ARRDC2: variants seen among roughly 807,000 people sequenced by gnomAD.
ARRDC2 encodes arrestin domain containing 2.
A neutral mutation model predicts 38.9 loss-of-function variants in ARRDC2; 39 were observed. The ratio of observed to expected loss-of-function variants is 1.00; its 90% CI spans 0.78 to 1.31. The LOEUF is 1.31. Ranked by LOEUF, ARRDC2 falls within the 50% of genes most tolerant of loss-of-function variation. ARRDC2 has a pLI of 0.00. For synonymous variants in ARRDC2, 300 were observed against 261.9 expected, an observed-to-expected ratio of 1.15 and a Z score of -1.41; for missense variants, 553 against 588.4, an observed-to-expected ratio of 0.94 and a Z score of 0.62.
At chr19:18,008,918 C>T (rs1471916173) in intron 2 of ARRDC2, 53 bp from the exon 3 acceptor site, 4 of 1,607,190 alleles carry the variant, frequency 2.5e-6, no homozygotes, top group Admixed American at 3.3e-5. Context: ...CTCCTTCTCC[C>T]TGCCTGCTTG....
At chr19:18,003,331 A>G (rs1363680114), upstream of ARRDC2, among the ~76,000 whole-genome samples, 1 of 151,964 alleles carries the variant, frequency 6.6e-6, no homozygotes, top group Non-Finnish European at 1.5e-5. Flanking sequence ...CAGTGGCACG[A>G]TCTCGGCTCA....
At position 18,008,556 on chromosome 19, in the gene ARRDC2, G is replaced by A; in HGVS notation, c.246G>A (p.Val82=). 1 of 1,572,044 alleles carries A rather than the reference G, an allele frequency of 6.4e-7. No individual in the cohort carries two copies. Among genetic ancestry groups the A allele is most frequent in the Non-Finnish European group, 8.6e-7 (1 of 1,166,852 alleles). Residue 82 remains valine (V), a synonymous_variant, in exon 1 of 8, where the codon GTG becomes GTA. Coordinates refer to ENST00000222250, the MANE Select transcript of ARRDC2 (RefSeq NM_015683.2). ...GCTACAGTGAACGCGTGGAGGTCGTGAGCCACCGCGCCACGCTCCTGGCGC... is the reference window on the plus strand; with the variant it reads ...GCTACAGTGAACGCGTGGAGGTCGTAAGCCACCGCGCCACGCTCCTGGCGC... ...TQSYSERVEV[V]SHRATLLAPD...
upstream of ARRDC2, chr19:18,007,196 T>G (rs977843506): frequency 6.6e-6 from 1 of 152,276 alleles, no homozygotes; most frequent in African/African-American, 2.4e-5. Flanking sequence ...CAACTCCCGC[T>G]GGAGAAACTC....
In ARRDC2 at chr19:18,008,236, C is replaced by T; in HGVS notation, c.-75C>T. The T allele has an allele frequency of 6.4e-7, 1 of 1,550,880 alleles. No homozygotes were observed. The highest frequency in any genetic ancestry group is 8.6e-7 in the Non-Finnish European group (1 of 1,161,804). On this transcript the variant is annotated 5_prime_UTR_variant, in exon 1 of 8. Transcript: ENST00000222250. ...GCGATTTTGCGTTCTGAGGCTGCAG[C>T]GTCGGCATCTTGAGCTGCCGGTTCG...
At chr19:18,007,818 G>A (rs947496161), upstream of ARRDC2, 1 of 205,474 alleles carries the variant, frequency 4.9e-6, no homozygotes. Flanking sequence ...GACATGCCTC[G>A]AGTCACGTCA....
intron 7 of ARRDC2, 32 bp downstream of exon 7, chr19:18,010,761 C>T: frequency 6.2e-7 from 1 of 1,603,310 alleles, no homozygotes; most frequent in Non-Finnish European, 8.5e-7. Context: ...CCACCCATGC[C>T]TCTCTGGGCC....
At chr19:18,001,635 A>G in intron 1 of ARRDC2, 1 of 1,272,894 alleles carries the variant, frequency 7.9e-7, no homozygotes, top group Non-Finnish European at 9.9e-7. Flanking sequence ...GACCCTCTTC[A>G]GGGCCGGAAG....
In ARRDC2 at chr19:18,008,410, G is replaced by A. The variant is rs1160283609; in HGVS notation, c.100G>A (p.Val34Met). Residue 34 changes from valine (V) to methionine (M), a missense_variant, in exon 1 of 8, where the codon GTG becomes ATG. This residue lies in a region of ARRDC2 where 447 missense variants were observed against 456.6 expected (regional missense o/e 0.98). Transcript: ENST00000222250. ...CGGCGGCCAGGCCGTGGCGGGCCGGGTGCTGCTGGAGCTGTCAAGCGCCGC... is the reference window on the plus strand; with the variant it reads ...CGGCGGCCAGGCCGTGGCGGGCCGGATGCTGCTGGAGCTGTCAAGCGCCGC... ...FSGGQAVAGR[V>M]LLELSSAARV... The A allele has an allele frequency of 7.5e-6, 12 of 1,594,668 alleles. No individual in the cohort carries two copies. In the South Asian group the frequency reaches 8.8e-5, roughly 12 times the overall value.
At chr19:18,001,196 G>C (rs932959769) in exon 1 of ARRDC2, 1 of 1,054,040 alleles carries the variant, frequency 9.5e-7, no homozygotes, top group Non-Finnish European at 1.2e-6. Flanking sequence ...TCGCCGGGGG[G>C]GCCCGGAGGA....
rs774062581 is a variant in ARRDC2 at position 18,008,619 on chromosome 19, G to T, written c.274+35G>T. The T allele has an allele frequency of 1.9e-6, 3 of 1,598,764 alleles. No individual in the cohort carries two copies. In the African/African-American group the frequency reaches 4.0e-5, roughly 21 times the overall value. On this transcript the variant is annotated intron_variant, in intron 1 of 7. Transcript: ENST00000222250. ...GAGGACCCCTGCTCCAACACCAGTT[G>T]TGTGCCTCCCACCACCTGGACGGCG... is the stretch of plus-strand genomic sequence containing the variant.
Position 18,008,198 on chromosome 19 carries a change from C to T in ARRDC2, c.-113C>T, listed in dbSNP as rs568413704. 15 of 1,505,742 alleles carry T rather than the reference C, an allele frequency of 1.0e-5. No individual in the cohort carries two copies. Among genetic ancestry groups the T allele is most frequent in the African/African-American group, 2.9e-5 (2 of 68,080 alleles). 93.3% of individuals were successfully genotyped at this position (1,505,742 alleles called of 1,614,324 possible). On this transcript the variant is annotated 5_prime_UTR_variant, in exon 1 of 8. Transcript: ENST00000222250. Reference sequence around the variant, plus strand: ...TTTCTGCTCCGGTTGGTGAGCGCGCCTGCGCGTTGACGGCGATTTTGCGTT... The same window carrying T: ...TTTCTGCTCCGGTTGGTGAGCGCGCTTGCGCGTTGACGGCGATTTTGCGTT...
At chr19:18,005,358 A>G (rs1245223090), upstream of ARRDC2, among the ~76,000 whole-genome samples, 2 of 152,154 alleles carry the variant, frequency 1.3e-5, no homozygotes, top group Non-Finnish European at 2.9e-5. Context: ...TTCTTAGTAC[A>G]GAACAAAATG....
intron 7 of ARRDC2, among the ~76,000 whole-genome samples, chr19:18,011,187 G>A (rs541435755): frequency 3.2e-4 from 48 of 152,244 alleles, no homozygotes; most frequent in East Asian, 7.7e-4. Context: ...TAGTAGAGAC[G>A]GGGTTTCACC....
At chr19:18,005,629 C>T (rs2033257769), upstream of ARRDC2, among the ~76,000 whole-genome samples, 1 of 149,032 alleles carries the variant, frequency 6.7e-6, no homozygotes, top group Non-Finnish European at 1.5e-5. Flanking sequence ...GGCTGACCCC[C>T]CGACCTCCCT....
In ARRDC2 at chr19:18,010,555, C is replaced by G. The variant is rs1347047132; in HGVS notation, c.1013-17C>G. 2 of 1,612,840 alleles carry G rather than the reference C, an allele frequency of 1.2e-6. No homozygotes were observed. Among genetic ancestry groups the G allele is most frequent in the African/African-American group, 1.3e-5 (1 of 75,048 alleles). ...CTCTCTCCTGCCAACCTCACCCACC[C>G]TGTCTCTCGCTTCCAGCTCCTCCTG... On this transcript the variant is annotated splice_polypyrimidine_tract_variant and intron_variant, in intron 6 of 7. Coordinates refer to ENST00000222250, the MANE Select transcript of ARRDC2 (RefSeq NM_015683.2).
At chr19:18,008,129 C>G (rs1035806851), upstream of ARRDC2, 9 of 1,074,282 alleles carry the variant, frequency 8.4e-6, 2 homozygotes, top group East Asian at 3.4e-4. Flanking sequence ...CCACCCCCCC[C>G]CGCCCTGCCG....
rs776855482 is a variant in ARRDC2 at position 18,009,587 on chromosome 19, G to A, written c.490-5G>A. On this transcript the variant is annotated splice_region_variant and splice_polypyrimidine_tract_variant and intron_variant, in intron 3 of 7. Coordinates refer to ENST00000222250, the MANE Select transcript of ARRDC2 (RefSeq NM_015683.2). Reference sequence around the variant, plus strand: ...CATCCATGTCACTTTCCTCTACACCGACAGGCACCTCAAGCGGGGGCTCGG... The same window carrying A: ...CATCCATGTCACTTTCCTCTACACCAACAGGCACCTCAAGCGGGGGCTCGG... 5.0e-6 allele frequency: 8 copies of A among 1,594,388 alleles called. No individual in the cohort carries two copies. The highest frequency in any genetic ancestry group is 4.5e-5 in the East Asian group (2 of 44,424).
chr19:18,010,917 C>T (rs2033399086), intron 7 of ARRDC2, among the ~76,000 whole-genome samples, 188 bp downstream of exon 7: 1 of 152,060 alleles, frequency 6.6e-6, no homozygotes, highest in Non-Finnish European at 1.5e-5. Flanking sequence ...CGGGCTCAAG[C>T]AATCCTTTCG....
chr19:18,011,950 A>G (rs371214543), intron 7 of ARRDC2, among the ~76,000 whole-genome samples: 1 of 56,626 alleles, frequency 1.8e-5, no homozygotes, highest in Non-Finnish European at 3.5e-5. Flanking sequence ...ATATATATAT[A>G]TATTTTTTTT....
Sources: allele counts gnomAD v4.1 joint callset (sites outside exome capture counted in the v4.1 genomes callset), GRCh38; gene constraint gnomAD v4.1.1; regional missense constraint gnomAD v4.1.1; transcripts MANE v1.5; gene names NCBI Gene and HGNC (gene_info 2026-07-23, HGNC 2026-07-21).